The following PDE1A variants were observed in gnomAD, a reference collection of about 807,000 sequenced individuals.
PDE1A encodes dual specificity calcium/calmodulin-dependent 3',5'-cyclic nucleotide phosphodiesterase 1A.
PDE1A carries 35 observed loss-of-function variants against 61.7 expected under a neutral mutation model. That is an observed-to-expected ratio of 0.57 (90% CI 0.43 to 0.75). The LOEUF (loss-of-function observed/expected upper bound fraction) is 0.75. PDE1A is among the 30% of genes least tolerant of loss of function. The probability of loss-of-function intolerance (pLI) is 0.00; values close to 1 mark genes in which losing one functional copy is unlikely to be tolerated. For synonymous variants in PDE1A, 232 were observed against 213.2 expected (o/e 1.09, Z -0.77); for missense variants, 597 against 630.6 (o/e 0.95, Z 0.57).
intron 1 of PDE1A, among the ~76,000 whole-genome samples, chr2:182,353,921 C>T (rs1226356251): frequency 6.6e-6 from 1 of 152,032 alleles, no homozygotes; most frequent in Non-Finnish European, 1.5e-5. Context: ...TTCAGAAACT[C>T]TTCTTGAGTG....
chr2:182,426,607 C>T, exon 1 of PDE1A: 1 of 1,612,380 alleles, frequency 6.2e-7, no homozygotes, highest in East Asian at 2.2e-5. Context: ...GATGTTTCTT[C>T]CTGATTGTGA....
In PDE1A at chr2:182,457,795, C is replaced by A. The variant is rs557840929; in HGVS notation, c.101+64481G>T. 3.3e-5 allele frequency among the ~76,000 whole-genome samples: 5 copies of A among 152,076 alleles called. No homozygotes were observed. The East Asian group carries it at 5.8e-4, about 18-fold the overall frequency. ...GTGTGAAGGACCATTTCTCCACATACAATAACTGGATAAATAACAGCTATG... is the reference window on the plus strand; with the variant it reads ...GTGTGAAGGACCATTTCTCCACATAAAATAACTGGATAAATAACAGCTATG... On this transcript the variant is annotated intron_variant, in intron 2 of 14. Coordinates refer to the PDE1A transcript ENST00000410103.
At chr2:182,152,969 A>AT (rs1027132367) in intron 13 of PDE1A, among the ~76,000 whole-genome samples, 1 of 152,226 alleles carries the variant, frequency 6.6e-6, no homozygotes, top group African/African-American at 2.4e-5. Context: ...TAAATTATGT[A>AT]TTGGTTCATT....
chr2:182,688,493 C>A, the PDE1A span, among the ~76,000 whole-genome samples: 1 of 152,136 alleles, frequency 6.6e-6, no homozygotes, highest in Non-Finnish European at 1.5e-5. Context: ...GATTTTGTCA[C>A]CACTAGGCCT....
chr2:182,392,428 T>A (rs1036808821), intron 1 of PDE1A, among the ~76,000 whole-genome samples: 5 of 152,210 alleles, frequency 3.3e-5, no homozygotes, highest in African/African-American at 1.2e-4. Context: ...TTTTGGGAGC[T>A]AATATTCAAG....
At chr2:182,522,683 C>G (rs984418079) in exon 1 of PDE1A, 11 of 1,104,556 alleles carry the variant, frequency 1.0e-5, no homozygotes, top group African/African-American at 6.4e-5. Context: ...TACTCAAGCT[C>G]TCCCCAAAAG....
the PDE1A span, among the ~76,000 whole-genome samples, chr2:182,688,567 C>A: frequency 6.6e-6 from 1 of 152,172 alleles, no homozygotes; most frequent in Non-Finnish European, 1.5e-5. Context: ...TCAGCCACTG[C>A]AAAAACATGC....
chr2:182,199,552 T>C (rs139831958), intron 10 of PDE1A, among the ~76,000 whole-genome samples: 1 of 152,076 alleles, frequency 6.6e-6, no homozygotes, highest in Admixed American at 6.5e-5. Flanking sequence ...CTTCTTAACC[T>C]GAAAAATCTT....
intron 1 of PDE1A, among the ~76,000 whole-genome samples, chr2:182,296,802 T>C (rs141542467): frequency 2.0e-5 from 3 of 152,326 alleles, no homozygotes; most frequent in African/African-American, 7.2e-5. Flanking sequence ...TAAAATAGAT[T>C]GCTCTCACTC....
At chr2:182,494,879 G>C (rs911405917) in intron 2 of PDE1A, among the ~76,000 whole-genome samples, 2 of 152,090 alleles carry the variant, frequency 1.3e-5, no homozygotes, top group Admixed American at 1.3e-4. Context: ...TCTAGATGCT[G>C]AATTTGTCTC....
intron 3 of PDE1A, among the ~76,000 whole-genome samples, chr2:182,239,168 G>GA (rs1690299685): frequency 6.6e-6 from 1 of 152,064 alleles, no homozygotes; most frequent in African/African-American, 2.4e-5. Flanking sequence ...CCCTTTAGCA[G>GA]AAAAAAATTC....
At chr2:182,340,919 G>A (rs1290754013) in intron 1 of PDE1A, among the ~76,000 whole-genome samples, 1 of 152,084 alleles carries the variant, frequency 6.6e-6, no homozygotes, top group African/African-American at 2.4e-5. Context: ...TGGAGAGTTT[G>A]GATACGTAAT....
intron 2 of PDE1A, among the ~76,000 whole-genome samples, chr2:182,258,995 T>C (rs1347088288): frequency 6.6e-6 from 1 of 152,202 alleles, no homozygotes; most frequent in East Asian, 1.9e-4. Context: ...CTGATTCTGA[T>C]TACCAGTGTG....
intron 1 of PDE1A, among the ~76,000 whole-genome samples, chr2:182,373,298 A>G (rs1700218732): frequency 6.6e-6 from 1 of 152,176 alleles, no homozygotes; most frequent in Admixed American, 6.5e-5. Flanking sequence ...AACAACTTTC[A>G]ACTTCAATAA....
At chr2:182,274,356 A>G (rs1281397698) in intron 1 of PDE1A, among the ~76,000 whole-genome samples, 3 of 152,122 alleles carry the variant, frequency 2.0e-5, no homozygotes, top group Non-Finnish European at 2.9e-5. Context: ...ATGCATACGG[A>G]AAAAAACCAC....
chr2:182,491,289 A>G (rs1351414028), intron 2 of PDE1A, among the ~76,000 whole-genome samples: 1 of 152,210 alleles, frequency 6.6e-6, no homozygotes, highest in African/African-American at 2.4e-5. Flanking sequence ...AACCAGGAAT[A>G]AGATTTTTCG....
intron 2 of PDE1A, among the ~76,000 whole-genome samples, chr2:182,433,292 A>T (rs886990977): frequency 2.0e-5 from 3 of 152,038 alleles, no homozygotes. Flanking sequence ...TTTCAACCAA[A>T]CCTGCTCCTC....
chr2:182,592,158 T>C, the PDE1A span, among the ~76,000 whole-genome samples: 2 of 152,200 alleles, frequency 1.3e-5, no homozygotes, highest in East Asian at 3.8e-4. Flanking sequence ...AAGCAACCAC[T>C]GGAAAGCTTA....
At chr2:182,157,211 C>T (rs1691140782) in intron 13 of PDE1A, among the ~76,000 whole-genome samples, 1 of 151,850 alleles carries the variant, frequency 6.6e-6, no homozygotes, top group Admixed American at 6.6e-5. Flanking sequence ...GACAGGATTT[C>T]ACCATGTTGG....
Sources: gnomAD v4.1 joint callset for allele counts (sites outside exome capture counted in the v4.1 genomes callset) on GRCh38, gnomAD v4.1.1 for gene constraint, MANE v1.5 for transcripts, NCBI Gene and HGNC (gene_info 2026-07-23, HGNC 2026-07-21) for gene names.